The following GPC5 variants were observed in gnomAD, a reference collection of about 807,000 sequenced individuals.
GPC5 encodes the protein glypican 5, also known as glypican-5.
GPC5 carries 47 observed loss-of-function variants against 53.9 expected under a neutral mutation model. The ratio of observed to expected loss-of-function variants is 0.87; its 90% CI spans 0.69 to 1.11. GPC5 has a LOEUF of 1.11. GPC5 is among the 50% of genes most tolerant of loss of function. The pLI is 0.00. For synonymous variants in GPC5, 286 were observed against 263.3 expected (o/e 1.09, Z -0.84); for missense variants, 748 against 713.1 (o/e 1.05, Z -0.56).
chr13:92,494,968 C>T (rs538771407), intron 7 of GPC5, among the ~76,000 whole-genome samples: 1 of 152,134 alleles, frequency 6.6e-6, no homozygotes, highest in Non-Finnish European at 1.5e-5. Flanking sequence ...CTTAAAATTT[C>T]TGCCTTCACT....
chr13:91,594,379 G>C (rs1230183623), intron 2 of GPC5, among the ~76,000 whole-genome samples: 3 of 152,100 alleles, frequency 2.0e-5, no homozygotes, highest in African/African-American at 7.2e-5. Context: ...CATTGATCTT[G>C]TGTATTTCTG....
intron 7 of GPC5, among the ~76,000 whole-genome samples, chr13:92,429,400 C>A (rs1876984857): frequency 6.6e-6 from 1 of 151,634 alleles, no homozygotes; most frequent in Non-Finnish European, 1.5e-5. Context: ...AATAATAATA[C>A]ACAAAATATT....
chr13:92,715,510 C>T (rs927819028), intron 7 of GPC5, among the ~76,000 whole-genome samples: 1 of 152,136 alleles, frequency 6.6e-6, no homozygotes, highest in Non-Finnish European at 1.5e-5. Flanking sequence ...AGTCTCCTGA[C>T]AGCAAATAAA....
chr13:92,747,737 G>A (rs886433321), intron 7 of GPC5, among the ~76,000 whole-genome samples: 2 of 152,144 alleles, frequency 1.3e-5, no homozygotes, highest in African/African-American at 4.8e-5. Flanking sequence ...GATTCTCCCT[G>A]ATTAAATTGA....
At chr13:91,966,227 G>T (rs7322707) in intron 6 of GPC5, among the ~76,000 whole-genome samples, 7,151 of 152,154 alleles carry the variant, frequency 0.047, 203 homozygotes, top group Middle Eastern at 0.065. Context: ...TATTAATACA[G>T]AACAACTTAC....
At chr13:91,478,766 T>A (rs1187825193) in intron 2 of GPC5, among the ~76,000 whole-genome samples, 1 of 140,518 alleles carries the variant, frequency 7.1e-6, no homozygotes, top group Non-Finnish European at 1.5e-5. Flanking sequence ...AATGTGGCTT[T>A]GGTGAAGTTA....
At chr13:91,661,145 CCA>C (rs2034978426) in intron 2 of GPC5, among the ~76,000 whole-genome samples, 1 of 151,942 alleles carries the variant, frequency 6.6e-6, no homozygotes, top group Non-Finnish European at 1.5e-5. Flanking sequence ...CCTGATTCTT[CCA>C]CAGTCTGGCA....
chr13:92,282,260 T>G (rs1338926632), intron 7 of GPC5, among the ~76,000 whole-genome samples: 1 of 152,072 alleles, frequency 6.6e-6, no homozygotes, highest in African/African-American at 2.4e-5. Context: ...AAAGACCAAA[T>G]CTACATCTGA....
chr13:92,730,236 A>T (rs973948707), intron 7 of GPC5, among the ~76,000 whole-genome samples: 6 of 151,412 alleles, frequency 4.0e-5, no homozygotes, highest in African/African-American at 1.5e-4. Flanking sequence ...AGAGAGAAAA[A>T]TAAGTGAAAA....
chr13:92,366,711 T>A (rs1401706623), intron 7 of GPC5, among the ~76,000 whole-genome samples: 1 of 152,224 alleles, frequency 6.6e-6, no homozygotes, highest in Non-Finnish European at 1.5e-5. Context: ...AGATAGAGGA[T>A]CACTTTCCTT....
chr13:91,800,205 A>G (rs1253438444), intron 5 of GPC5, among the ~76,000 whole-genome samples: 1 of 152,154 alleles, frequency 6.6e-6, no homozygotes, highest in Non-Finnish European at 1.5e-5. Flanking sequence ...TAAGAAATTT[A>G]TTCAGACACT....
rs547847266 is a variant in GPC5, at chr13:92,693,345, A to T, written c.1562-172937A>T. On this transcript the variant is annotated intron_variant, in intron 7 of 7. Coordinates refer to ENST00000377067, the MANE Select transcript of GPC5 (RefSeq NM_004466.6). ...AACAGTTTAGAAGGCTCATAATAAGATAGGAGGATGTGGGAAAATTTCGAA... is the reference window on the plus strand; with the variant it reads ...AACAGTTTAGAAGGCTCATAATAAGTTAGGAGGATGTGGGAAAATTTCGAA... Among the ~76,000 whole-genome samples, 20 of 152,242 alleles carry T rather than the reference A, an allele frequency of 1.3e-4. No individual in the cohort carries two copies. The South Asian group carries it at 3.9e-3, about 30-fold the overall frequency.
intron 7 of GPC5, among the ~76,000 whole-genome samples, chr13:92,703,797 A>G (rs1887847512): frequency 6.6e-6 from 1 of 151,938 alleles, no homozygotes; most frequent in East Asian, 1.9e-4. Context: ...TGTTCTGTTC[A>G]GTAAGTTTAA....
intron 7 of GPC5, among the ~76,000 whole-genome samples, chr13:92,721,078 T>C (rs1888496851): frequency 6.6e-6 from 1 of 152,074 alleles, no homozygotes; most frequent in Admixed American, 6.6e-5. Flanking sequence ...CAAAGGTCAC[T>C]GGATAGATAT....
At chr13:91,607,509 G>A (rs1416982291) in intron 2 of GPC5, among the ~76,000 whole-genome samples, 1 of 152,138 alleles carries the variant, frequency 6.6e-6, no homozygotes, top group African/African-American at 2.4e-5. Context: ...TTCATGCCCT[G>A]TACGTAGATG....
At chr13:91,576,863 A>C (rs1355119278) in intron 2 of GPC5, among the ~76,000 whole-genome samples, 1 of 152,188 alleles carries the variant, frequency 6.6e-6, no homozygotes, top group African/African-American at 2.4e-5. Flanking sequence ...AATTCACATA[A>C]AACTCTTAAT....
At chr13:92,446,281 C>A (rs980672494) in intron 7 of GPC5, among the ~76,000 whole-genome samples, 10 of 151,778 alleles carry the variant, frequency 6.6e-5, no homozygotes, top group African/African-American at 2.4e-4. Flanking sequence ...AACCATCTTT[C>A]TACTCTCTAT....
In GPC5 at chr13:92,747,125, C is replaced by T. The variant is rs572073879; in HGVS notation, c.1562-119157C>T. 1.2e-3 allele frequency among the ~76,000 whole-genome samples: 190 copies of T among 152,232 alleles called. 4 individuals carry two copies. The South Asian group carries it at 0.037, about 30-fold the overall frequency. ...ATATGTGGCCCATTGTTAGCCAAAG[C>T]GTCATTATGTGGTGCATGACCATAC... On this transcript the variant is annotated intron_variant, in intron 7 of 7. Coordinates refer to ENST00000377067, the MANE Select transcript of GPC5 (RefSeq NM_004466.6).
intron 7 of GPC5, among the ~76,000 whole-genome samples, chr13:92,693,200 T>G (rs888711190): frequency 1.6e-4 from 25 of 152,140 alleles, no homozygotes; most frequent in African/African-American, 6.0e-4. Context: ...CTCAGGTAGT[T>G]CTTTATAGCA....
Sources: gnomAD v4.1 joint callset for allele counts (sites outside exome capture counted in the v4.1 genomes callset) on GRCh38, gnomAD v4.1.1 for gene constraint, MANE v1.5 for transcripts, NCBI Gene and HGNC (gene_info 2026-07-23, HGNC 2026-07-21) for gene names.